The following SMUG1 variants were observed in gnomAD, a reference collection of about 807,000 sequenced individuals.
SMUG1 encodes the protein single-strand-selective monofunctional uracil-DNA glycosylase 1, also known as single-strand selective monofunctional uracil DNA glycosylase.
Under a neutral mutation model 23.9 loss-of-function variants are expected in SMUG1, and 13 were observed. The observed-to-expected ratio is 0.54, with a 90% confidence interval of 0.35 to 0.86. SMUG1 has a LOEUF of 0.86. Ranked by LOEUF, SMUG1 falls within the 40% of genes least tolerant of loss-of-function variation. The pLI, the probability that SMUG1 is intolerant of heterozygous loss-of-function variation, is 0.01. For synonymous variants in SMUG1, 133 were observed against 139.8 expected, an observed-to-expected ratio of 0.95 and a Z score of 0.34; for missense variants, 313 against 339.5, an observed-to-expected ratio of 0.92 and a Z score of 0.61.
chr12:54,184,226 A>G (rs1330611232), intron 2 of SMUG1: 2 of 325,862 alleles, frequency 6.1e-6, no homozygotes, highest in African/African-American at 4.2e-5. Context: ...TCCCACTCCA[A>G]ATCTCCTTTC....
At position 54,183,723 on chromosome 12, in the gene SMUG1, C is replaced by T; in HGVS notation, c.218G>A (p.Cys73Tyr). Residue 73 changes from cysteine (C) to tyrosine (Y), a missense_variant, in exon 3 of 4, where the codon TGC becomes TAC. Transcript: ENST00000682136. ...GAAGAGTACTTCCTTGGGGCCCTGG[C>T]AGTAGCGAGTCACGTAGTTGCGATG... ...EPHRNYVTRY[C>Y]QGPKEVLFLG... is the part of the protein sequence containing the mutation. The T allele has an allele frequency of 5.0e-6, 8 of 1,614,024 alleles. No homozygotes were observed. Among genetic ancestry groups the T allele is most frequent in the Non-Finnish European group, 6.8e-6 (8 of 1,179,942 alleles).
intron 2 of SMUG1, among the ~76,000 whole-genome samples, chr12:54,187,590 GAA>G (rs1942771060): frequency 6.6e-6 from 1 of 152,212 alleles, no homozygotes; most frequent in African/African-American, 2.4e-5. Context: ...CAAGGCTGGG[GAA>G]AAGAGTGGCA....
At chr12:54,184,101 G>A (rs1941781052) in intron 2 of SMUG1, 142 bp from the exon 3 acceptor site, 3 of 633,574 alleles carry the variant, frequency 4.7e-6, no homozygotes, top group African/African-American at 1.8e-5. Context: ...CAACCACCAA[G>A]TAGGACTGAA....
chr12:54,174,365 A>G (rs1940702717), intron 2 of SMUG1, among the ~76,000 whole-genome samples: 1 of 151,060 alleles, frequency 6.6e-6, no homozygotes, highest in African/African-American at 2.4e-5. Flanking sequence ...TAAAAACTGA[A>G]CAAAAAAACA....
At chr12:54,188,339 A>ATAG (rs1282905774) in intron 1 of SMUG1, among the ~76,000 whole-genome samples, 1 of 143,474 alleles carries the variant, frequency 7.0e-6, no homozygotes, top group Non-Finnish European at 1.5e-5. Context: ...AATAATAATA[A>ATAG]TGCATAGGCC....
downstream of SMUG1, among the ~76,000 whole-genome samples, chr12:54,176,235 A>G (rs1483550480): frequency 2.0e-5 from 3 of 151,382 alleles, no homozygotes; most frequent in Non-Finnish European, 4.4e-5. Context: ...TAAAAAAAAA[A>G]AAGGCTGGGC....
Position 54,182,319 on chromosome 12 carries a change from G to A in SMUG1, c.590C>T (p.Ala197Val), listed in dbSNP as rs1169656750. 1 of 1,613,926 alleles carries A rather than the reference G, an allele frequency of 6.2e-7. No homozygotes were observed. The highest frequency in any genetic ancestry group is 1.3e-5 in the African/African-American group (1 of 74,918). Reference sequence around the variant, plus strand: ...CAGCAGCTGCACCTGCCGGCAGAGGGCTGCATCACAGATCCCAAGAAGCTG... The same window carrying A: ...CAGCAGCTGCACCTGCCGGCAGAGGACTGCATCACAGATCCCAAGAAGCTG... ...REQLLGICDA[A>V]LCRQVQLLGV... Residue 197 changes from alanine to valine, a missense_variant, in exon 4 of 4, where the codon GCC becomes GTC. Coordinates refer to ENST00000682136, the MANE Select transcript of SMUG1 (RefSeq NM_001243787.2).
chr12:54,174,294 C>T (rs1940700957), intron 2 of SMUG1, among the ~76,000 whole-genome samples: 1 of 152,170 alleles, frequency 6.6e-6, no homozygotes, highest in African/African-American at 2.4e-5. Flanking sequence ...TGTTCTTCTC[C>T]CAAGCCACAG....
At position 54,183,519 on chromosome 12, in the gene SMUG1, T is replaced by C. The variant is rs577505872; in HGVS notation, c.285+137A>G. Reference sequence around the variant, plus strand: ...GGGCCTCGGACCACAGGAGCCAGTATATGTGTTGAGACAGAATGGGGCGGG... The same window carrying C: ...GGGCCTCGGACCACAGGAGCCAGTACATGTGTTGAGACAGAATGGGGCGGG... On this transcript the variant is annotated intron_variant, in intron 3 of 3. Transcript: ENST00000682136. The C allele has an allele frequency of 9.4e-5, 78 of 828,940 alleles. No individual in the cohort carries two copies. The African/African-American group carries it at 1.2e-3, about 13-fold the overall frequency. 51.3% of individuals were successfully genotyped at this position (828,940 alleles called of 1,614,324 possible).
chr12:54,178,800 T>G (rs1940814268), downstream of SMUG1, among the ~76,000 whole-genome samples: 1 of 152,178 alleles, frequency 6.6e-6, no homozygotes, highest in African/African-American at 2.4e-5. Flanking sequence ...TCAACTTGAT[T>G]AATGGATGCA....
chr12:54,172,193 A>G, intron 2 of SMUG1: 1 of 426,648 alleles, frequency 2.3e-6, no homozygotes, highest in Non-Finnish European at 4.9e-6. Flanking sequence ...TGTGAGTTTT[A>G]CTGTAACTTA....
Position 54,183,801 on chromosome 12 carries a change from A to C in SMUG1, c.140T>G (p.Phe47Cys). The change falls in exon 3 of 4, where the codon TTT (phenylalanine) becomes TGT (cysteine). Residue 47 changes from phenylalanine (F) to cysteine (C), a missense_variant. Transcript: ENST00000682136. Reference sequence around the variant, plus strand: ...GTAGATGATGCCCACAGGCTCCGAAAACTGCAGCTGGCTCAGCTCAGCATT... The same window carrying C: ...GTAGATGATGCCCACAGGCTCCGAACACTGCAGCTGGCTCAGCTCAGCATT... ...RLNAELSQLQ[F>C]SEPVGIIYNP... 1.2e-6 allele frequency: 2 copies of C among 1,614,084 alleles called. No individual in the cohort carries two copies. The highest frequency in any genetic ancestry group is 1.7e-6 in the Non-Finnish European group (2 of 1,180,004).
intron 2 of SMUG1, among the ~76,000 whole-genome samples, chr12:54,187,497 T>G (rs1356850066): frequency 6.6e-6 from 1 of 152,176 alleles, no homozygotes; most frequent in East Asian, 1.9e-4. Flanking sequence ...AACACCAACA[T>G]TAGCAGATTG....
chr12:54,183,870 G>C lies in SMUG1; in HGVS notation c.71C>G (p.Pro24Arg). 6.2e-7 allele frequency: 1 copy of C among 1,611,094 alleles called. No individual in the cohort carries two copies. The highest frequency in any genetic ancestry group is 8.5e-7 in the Non-Finnish European group (1 of 1,178,772). ...AGALMEPQPC[P>R]GSLAESFLEE... ...CAGGAAGCTCTCAGCCAAGCTTCCA[G>C]GGCAGGGCTGGGGCTCCATGAGGGC... Residue 24 changes from proline to arginine, a missense_variant, in exon 3 of 4, where the codon CCT (proline) becomes CGT (arginine). By Grantham distance (103) the Pro-to-Arg change is moderately radical. Coordinates refer to ENST00000682136, the MANE Select transcript of SMUG1 (RefSeq NM_001243787.2).
downstream of SMUG1, among the ~76,000 whole-genome samples, chr12:54,160,796 T>C (rs892292019): frequency 6.6e-6 from 1 of 152,162 alleles, no homozygotes; most frequent in South Asian, 2.1e-4. Flanking sequence ...GAATCCCGAC[T>C]CTAGTCAAGC....
chr12:54,183,658 C>A lies in SMUG1; in HGVS notation c.283G>T (p.Gly95Trp), dbSNP rs1460646031. ...NPGPFGMAQT[G>W]VPFGEVSMVR... ...ACTGGGGAAGCCAAACCCTTTACCC[C>A]AGTCTGGGCCATGCCAAAAGGTCCA... Residue 95 changes from glycine (G) to tryptophan (W), a missense_variant and splice_region_variant, in exon 3 of 4, where the codon GGG becomes TGG. Coordinates refer to ENST00000682136, the MANE Select transcript of SMUG1 (RefSeq NM_001243787.2). 1.2e-6 allele frequency: 2 copies of A among 1,613,866 alleles called. No homozygotes were observed. Among genetic ancestry groups the A allele is most frequent in the Non-Finnish European group, 1.7e-6 (2 of 1,179,942 alleles).
At chr12:54,160,218 G>A (rs1331068061), downstream of SMUG1, among the ~76,000 whole-genome samples, 1 of 152,250 alleles carries the variant, frequency 6.6e-6, no homozygotes, top group Non-Finnish European at 1.5e-5. Context: ...CAACACCTGT[G>A]AAGGTTCTTC....
At chr12:54,171,978 T>C in intron 3 of SMUG1, 1 of 423,060 alleles carries the variant, frequency 2.4e-6, no homozygotes, top group Admixed American at 2.4e-5. Flanking sequence ...CCACTCCTCA[T>C]CACCTCTGCT....
intron 1 of SMUG1, among the ~76,000 whole-genome samples, chr12:54,188,291 T>TA (rs1291457908): frequency 0.017 from 470 of 27,882 alleles, 5 homozygotes; most frequent in African/African-American, 0.047. Context: ...ATAATAATAA[T>TA]AATAAATAAT....
Sources: gnomAD v4.1 joint callset for allele counts (sites outside exome capture counted in the v4.1 genomes callset) on GRCh38, gnomAD v4.1.1 for gene constraint, MANE v1.5 for transcripts, NCBI Gene and HGNC (gene_info 2026-07-23, HGNC 2026-07-21) for gene names.